The following CAMK1D variants were observed in gnomAD, a reference collection of about 807,000 sequenced individuals.
CAMK1D encodes the protein calcium/calmodulin dependent protein kinase ID, also known as calcium/calmodulin-dependent protein kinase type 1D.
In CAMK1D, 9 loss-of-function variants were observed where a neutral mutation model predicts 47.7. That is an observed-to-expected ratio of 0.19 (90% confidence interval 0.11 to 0.33). The LOEUF (loss-of-function observed/expected upper bound fraction) is 0.33. CAMK1D is among the 10% of genes least tolerant of loss of function. The pLI, the probability that CAMK1D is intolerant of heterozygous loss-of-function variation, is 1.00. For missense variants in CAMK1D, 291 were observed against 488.7 expected (o/e 0.60, Z 3.81); for synonymous variants, 184 against 184.9 (o/e 0.99, Z 0.04).
At chr10:12,758,760 T>G (rs1836353735) in intron 3 of CAMK1D, among the ~76,000 whole-genome samples, 1 of 152,124 alleles carries the variant, frequency 6.6e-6, no homozygotes, top group Non-Finnish European at 1.5e-5. Flanking sequence ...GTTTGGATCA[T>G]GGGGTCCTAA....
At chr10:12,713,851 A>G (rs1327236818) in intron 3 of CAMK1D, among the ~76,000 whole-genome samples, 1 of 152,240 alleles carries the variant, frequency 6.6e-6, no homozygotes, top group Non-Finnish European at 1.5e-5. Context: ...TGCCAGTATT[A>G]TTGATTCATA....
intron 3 of CAMK1D, among the ~76,000 whole-genome samples, chr10:12,726,002 C>T (rs1834612943): frequency 6.6e-6 from 1 of 151,964 alleles, no homozygotes; most frequent in South Asian, 2.1e-4. Context: ...GGTGATCTGC[C>T]CACCTCGGCC....
chr10:12,546,101 A>G (rs1037770358), intron 1 of CAMK1D, among the ~76,000 whole-genome samples: 3 of 152,258 alleles, frequency 2.0e-5, no homozygotes, highest in African/African-American at 7.2e-5. Context: ...ACTCGATCCC[A>G]TAGACATGAA....
At chr10:12,793,373 C>A (rs756270191) in intron 6 of CAMK1D, among the ~76,000 whole-genome samples, 1 of 152,124 alleles carries the variant, frequency 6.6e-6, no homozygotes, top group Non-Finnish European at 1.5e-5. Flanking sequence ...AAGTTACAGC[C>A]TTGGGGTGGG....
chr10:12,600,169 A>G (rs1290355552), intron 2 of CAMK1D, among the ~76,000 whole-genome samples: 1 of 152,210 alleles, frequency 6.6e-6, no homozygotes, highest in Non-Finnish European at 1.5e-5. Context: ...GAAGTTTGTA[A>G]AAATACCCAA....
intron 2 of CAMK1D, among the ~76,000 whole-genome samples, chr10:12,599,191 C>T (rs114084452): frequency 0.015 from 2,295 of 152,152 alleles, 49 homozygotes; most frequent in African/African-American, 0.047. Flanking sequence ...TTGGAGCAGT[C>T]GCTGTGTTTT....
At chr10:12,777,021 A>G (rs1000433252) in intron 5 of CAMK1D, among the ~76,000 whole-genome samples, 1 of 152,228 alleles carries the variant, frequency 6.6e-6, no homozygotes, top group Non-Finnish European at 1.5e-5. Context: ...ACTTTTAGCC[A>G]GTAGGCAAAT....
chr10:12,588,623 G>A (rs1301791725), intron 2 of CAMK1D, among the ~76,000 whole-genome samples: 2 of 151,942 alleles, frequency 1.3e-5, no homozygotes, highest in African/African-American at 2.4e-5. Flanking sequence ...CCTGCTCAAC[G>A]CTCTCCCACA....
chr10:12,722,446 C>CAAAAAAAAAA (rs55809900), intron 3 of CAMK1D, among the ~76,000 whole-genome samples: 4 of 48,622 alleles, frequency 8.2e-5, no homozygotes, highest in African/African-American at 2.3e-4. Context: ...GACTCCGCCT[C>CAAAAAAAAAA]AAAAAAAAAA....
intron 1 of CAMK1D, among the ~76,000 whole-genome samples, chr10:12,500,583 C>T (rs1214944222): frequency 6.6e-6 from 1 of 152,222 alleles, no homozygotes; most frequent in African/African-American, 2.4e-5. Context: ...TTGAGGTATA[C>T]AGTAGAAAAG....
At chr10:12,369,617 C>T (rs771551103) in intron 1 of CAMK1D, among the ~76,000 whole-genome samples, 11 of 152,112 alleles carry the variant, frequency 7.2e-5, no homozygotes, top group East Asian at 3.9e-4. Context: ...AAGAGGACGC[C>T]GGCTTCTGTA....
Position 12,785,558 on chromosome 10 carries a change from C to T in CAMK1D, c.566-5600C>T, listed in dbSNP as rs527626933. Among the ~76,000 whole-genome samples the T allele has an allele frequency of 1.3e-5, 2 of 152,274 alleles. 1 individual carries two copies. Among genetic ancestry groups the T allele is most frequent in the South Asian group, 4.1e-4 (2 of 4,820 alleles). Reference sequence around the variant, plus strand: ...TGGCCAGGAGATGGAACTGTGGCTGCATAGTTCAGAGCCCTCATCACTTTC... The same window carrying T: ...TGGCCAGGAGATGGAACTGTGGCTGTATAGTTCAGAGCCCTCATCACTTTC... On this transcript the variant is annotated intron_variant, in intron 5 of 10. Transcript: ENST00000619168.
At chr10:12,727,200 C>A (rs1193727908) in intron 3 of CAMK1D, among the ~76,000 whole-genome samples, 1 of 152,188 alleles carries the variant, frequency 6.6e-6, no homozygotes, top group Non-Finnish European at 1.5e-5. Context: ...TTTGATGATG[C>A]TAGGCTACAA....
chr10:12,748,598 C>A (rs1036402872), intron 3 of CAMK1D, among the ~76,000 whole-genome samples: 41 of 152,166 alleles, frequency 2.7e-4, no homozygotes, highest in Admixed American at 1.6e-3. Flanking sequence ...CAGAGTAACT[C>A]ATCTGTTGAG....
chr10:12,627,585 G>A (rs924590768), intron 2 of CAMK1D, among the ~76,000 whole-genome samples: 4 of 151,958 alleles, frequency 2.6e-5, no homozygotes, highest in Non-Finnish European at 5.9e-5. Context: ...CATCTGATTT[G>A]TATGGCCACA....
At chr10:12,577,933 GC>G (rs1199922516) in intron 2 of CAMK1D, among the ~76,000 whole-genome samples, 4 of 152,198 alleles carry the variant, frequency 2.6e-5, no homozygotes, top group Non-Finnish European at 4.4e-5. Context: ...AATCATCCAT[GC>G]AGTCAACAAA....
chr10:12,614,637 T>C (rs570108521), intron 2 of CAMK1D, among the ~76,000 whole-genome samples: 31 of 152,310 alleles, frequency 2.0e-4, no homozygotes, highest in Admixed American at 2.0e-3. Flanking sequence ...GACTTTATAT[T>C]CTAGCTTCTT....
chr10:12,613,072 C>A lies in CAMK1D; in HGVS notation c.225-53664C>A, dbSNP rs553913431. Reference sequence around the variant, plus strand: ...AAGGTAGTTGAAGCCAAAGATTGAACCTTCACTTTTCCCTACAGTTGAGGG... The same window carrying A: ...AAGGTAGTTGAAGCCAAAGATTGAAACTTCACTTTTCCCTACAGTTGAGGG... On this transcript the variant is annotated intron_variant, in intron 2 of 10. Coordinates refer to ENST00000619168, the MANE Select transcript of CAMK1D (RefSeq NM_153498.4). 2.0e-5 allele frequency among the ~76,000 whole-genome samples: 3 copies of A among 152,252 alleles called. No homozygotes were observed. In the South Asian group the frequency reaches 6.2e-4, roughly 32 times the overall value.
chr10:12,436,009 G>A (rs1161908815), intron 1 of CAMK1D, among the ~76,000 whole-genome samples: 2 of 152,202 alleles, frequency 1.3e-5, no homozygotes, highest in Admixed American at 6.5e-5. Context: ...GTCTTAGGCT[G>A]TCCAGCTCTG....
Sources: allele counts gnomAD v4.1 joint callset (sites outside exome capture counted in the v4.1 genomes callset), GRCh38; gene constraint gnomAD v4.1.1; transcripts MANE v1.5; gene names NCBI Gene and HGNC (gene_info 2026-07-23, HGNC 2026-07-21).